Variants in ADAMTS19 observed in about 807,000 individuals in gnomAD.
ADAMTS19 encodes the protein ADAM metallopeptidase with thrombospondin type 1 motif 19, also known as A disintegrin and metalloproteinase with thrombospondin motifs 19.
ADAMTS19 carries 93 observed loss-of-function variants against 153.3 expected under a neutral mutation model. The observed-to-expected ratio is 0.61, with a 90% confidence interval of 0.51 to 0.72. ADAMTS19 has a LOEUF of 0.72. Among genes scored for constraint, ADAMTS19 ranks in the 30% least tolerant of loss-of-function variants. The pLI, the probability that ADAMTS19 is intolerant of heterozygous loss-of-function variation, is 0.00. For missense variants in ADAMTS19, 1,482 were observed against 1,552.1 expected, an observed-to-expected ratio of 0.95 and a Z score of 0.76; for synonymous variants, 600 against 556.6, an observed-to-expected ratio of 1.08 and a Z score of -1.10.
intron 8 of ADAMTS19, among the ~76,000 whole-genome samples, chr5:129,598,943 G>T (rs1279231904): frequency 1.3e-5 from 2 of 152,020 alleles, no homozygotes; most frequent in African/African-American, 4.8e-5. Flanking sequence ...TTTGATCCTT[G>T]TTTAGTTTTT....
intron 2 of ADAMTS19, among the ~76,000 whole-genome samples, chr5:129,473,696 A>G (rs1034349747): frequency 3.9e-5 from 6 of 152,092 alleles, no homozygotes; most frequent in Non-Finnish European, 5.9e-5. Flanking sequence ...TTAGTTCAAA[A>G]TAGGTGGTTC....
chr5:129,662,887 C>CTTTTTTTT (rs545012539), intron 15 of ADAMTS19, among the ~76,000 whole-genome samples: 1 of 125,420 alleles, frequency 8.0e-6, no homozygotes, highest in Non-Finnish European at 1.6e-5. Flanking sequence ...GATTCTTCTT[C>CTTTTTTTT]ATTTTTTTTT....
At chr5:129,641,278 G>GA (rs1186353558) in intron 10 of ADAMTS19, among the ~76,000 whole-genome samples, 2 of 151,904 alleles carry the variant, frequency 1.3e-5, no homozygotes, top group Non-Finnish European at 2.9e-5. Flanking sequence ...CATTTCCGTA[G>GA]AAAAAATTTC....
At chr5:129,479,640 C>T (rs965690240) in intron 2 of ADAMTS19, among the ~76,000 whole-genome samples, 3 of 152,022 alleles carry the variant, frequency 2.0e-5, no homozygotes, top group Admixed American at 1.3e-4. Flanking sequence ...TGTACAAATA[C>T]GAGTTTTTTT....
chr5:129,593,027 A>T (rs887448808), intron 7 of ADAMTS19, among the ~76,000 whole-genome samples: 2 of 152,088 alleles, frequency 1.3e-5, no homozygotes, highest in Non-Finnish European at 2.9e-5. Flanking sequence ...GTATTTTTTT[A>T]CATGACCACA....
At chr5:129,501,293 A>G (rs1369792755) in intron 2 of ADAMTS19, among the ~76,000 whole-genome samples, 1 of 152,130 alleles carries the variant, frequency 6.6e-6, no homozygotes, top group East Asian at 1.9e-4. Flanking sequence ...CCACTGAAGG[A>G]AGCCTGGAGG....
At chr5:129,657,674 C>G (rs572958461) in intron 14 of ADAMTS19, among the ~76,000 whole-genome samples, 18 of 152,300 alleles carry the variant, frequency 1.2e-4, no homozygotes, top group Middle Eastern at 3.4e-3. Context: ...AGTTCTTACT[C>G]ACATTCATGT....
At chr5:129,539,022 C>G (rs1461309296) in intron 6 of ADAMTS19, among the ~76,000 whole-genome samples, 1 of 152,070 alleles carries the variant, frequency 6.6e-6, no homozygotes, top group Non-Finnish European at 1.5e-5. Context: ...TTGTTTCATG[C>G]TATACACAGT....
At chr5:129,522,328 C>CATATATATATAT (rs1302441781) in intron 3 of ADAMTS19, among the ~76,000 whole-genome samples, 1 of 88,184 alleles carries the variant, frequency 1.1e-5, no homozygotes, top group Admixed American at 1.2e-4. Flanking sequence ...CACACACACA[C>CATATATATATAT]ACACATATAT....
intron 6 of ADAMTS19, among the ~76,000 whole-genome samples, chr5:129,532,963 C>G (rs552891762): frequency 2.0e-5 from 3 of 152,176 alleles, no homozygotes; most frequent in South Asian, 4.1e-4. Flanking sequence ...GTTAGGCAGG[C>G]GTGGTGGCTT....
rs553120882 is a variant in ADAMTS19 at position 129,608,672 on chromosome 5, A to G, written c.1479-11946A>G. Among the ~76,000 whole-genome samples the G allele has an allele frequency of 3.3e-5, 5 of 152,174 alleles. No homozygotes were observed. The South Asian group carries it at 1.0e-3, about 32-fold the overall frequency. ...CACAGTGGAGCACACCTGTACTCCA[A>G]GCACTTTGGGAGGCCAAGTCAGGCG... is the stretch of plus-strand genomic sequence containing the variant. On this transcript the variant is annotated intron_variant, in intron 8 of 22. Coordinates refer to ENST00000274487, the MANE Select transcript of ADAMTS19 (RefSeq NM_133638.6).
chr5:129,529,042 T>A (rs1190644867), intron 6 of ADAMTS19, among the ~76,000 whole-genome samples: 1 of 152,102 alleles, frequency 6.6e-6, no homozygotes, highest in Non-Finnish European at 1.5e-5. Flanking sequence ...ACCTAATATG[T>A]TAAATTCAGC....
chr5:129,595,940 T>C lies in ADAMTS19; in HGVS notation c.1373-619T>C, dbSNP rs903357099. Among the ~76,000 whole-genome samples the C allele has an allele frequency of 1.2e-3, 180 of 152,080 alleles. 1 individual carries two copies. Among genetic ancestry groups the C allele is most frequent in the African/African-American group, 4.1e-3 (172 of 41,570 alleles). ...ATAATTTATACCAAAAGATCAAATA[T>C]CTTGCTAAAATTTTATCTTAATATT... On this transcript the variant is annotated intron_variant, in intron 7 of 22. Transcript: ENST00000274487.
At position 129,607,994 on chromosome 5, in the gene ADAMTS19, C is replaced by CTATATA. The variant is rs367884578; in HGVS notation, c.1478+11335_1478+11340dup. On this transcript the variant is annotated intron_variant, in intron 8 of 22. Transcript: ENST00000274487. ...ATATATTTCCATTATATAAACAATT[C>CTATATA]TATATATATAATGGAATATTTATTA... Among the ~76,000 whole-genome samples the CTATATA allele has an allele frequency of 7.8e-3, 1,114 of 143,340 alleles. 20 individuals carry two copies. Among genetic ancestry groups the CTATATA allele is most frequent in the African/African-American group, 0.027 (1,036 of 38,874 alleles). The allele number at this position is 143,340 out of a possible 152,430, so 94.0% of individuals were successfully genotyped here.
At position 129,479,306 on chromosome 5, in the gene ADAMTS19, A is replaced by G. The variant is rs188490853; in HGVS notation, c.747+17549A>G. ...ATAGGAGTAGAAATAGTAGAATTTA[A>G]CATAGAAATTTGCTGATTTGTAATG... On this transcript the variant is annotated intron_variant, in intron 2 of 22. Coordinates refer to ENST00000274487, the MANE Select transcript of ADAMTS19 (RefSeq NM_133638.6). Among the ~76,000 whole-genome samples the G allele has an allele frequency of 9.8e-5, 15 of 152,340 alleles. 1 individual carries two copies. In the East Asian group the frequency reaches 2.5e-3, roughly 25 times the overall value.
chr5:129,686,025 G>T (rs947631075), intron 18 of ADAMTS19, among the ~76,000 whole-genome samples: 7 of 152,188 alleles, frequency 4.6e-5, no homozygotes, highest in African/African-American at 1.7e-4. Context: ...TTTGAAAAGA[G>T]AAAATGTGAA....
chr5:129,702,929 CA>C (rs376208133), intron 20 of ADAMTS19, among the ~76,000 whole-genome samples: 52 of 44,292 alleles, frequency 1.2e-3, no homozygotes, highest in East Asian at 7.7e-3. Flanking sequence ...TTTGACTTGC[CA>C]AAAAAAAAAA....
chr5:129,518,485 A>AT (rs1025810069), intron 3 of ADAMTS19, among the ~76,000 whole-genome samples: 32 of 151,358 alleles, frequency 2.1e-4, no homozygotes, highest in Non-Finnish European at 2.7e-4. Flanking sequence ...TCAAGGGGAA[A>AT]TTTTTTTTTA....
chr5:129,631,702 T>C, intron 10 of ADAMTS19, among the ~76,000 whole-genome samples: 2 of 152,148 alleles, frequency 1.3e-5, no homozygotes, highest in South Asian at 4.1e-4. Context: ...GCATGGTATA[T>C]TATGCTTTTA....
Sources: allele counts gnomAD v4.1 joint callset (sites outside exome capture counted in the v4.1 genomes callset), GRCh38; gene constraint gnomAD v4.1.1; transcripts MANE v1.5; gene names NCBI Gene and HGNC (gene_info 2026-07-23, HGNC 2026-07-21).